PDE4D: variants seen among roughly 807,000 people sequenced by gnomAD.
The protein encoded by PDE4D is phosphodiesterase 4D.
A neutral mutation model predicts 87.4 loss-of-function variants in PDE4D; 24 were observed. The ratio of observed to expected loss-of-function variants is 0.27; its 90% CI spans 0.20 to 0.39. The LOEUF (loss-of-function observed/expected upper bound fraction) is 0.39. Among genes scored for constraint, PDE4D ranks in the 10% least tolerant of loss-of-function variants. PDE4D has a pLI of 1.00. For missense variants in PDE4D, 714 were observed against 1,041.0 expected (o/e 0.69, Z 4.32); for synonymous variants, 384 against 383.2 (o/e 1.00, Z -0.02).
intron 2 of PDE4D, among the ~76,000 whole-genome samples, chr5:60,108,788 G>T (rs1288987573): frequency 1.3e-5 from 2 of 152,108 alleles, no homozygotes; most frequent in African/African-American, 4.8e-5. Context: ...AAATGGTGCT[G>T]GGAAAACTGG....
At chr5:59,213,158 CTTCTTTTT>C (rs1750449598) in intron 2 of PDE4D, among the ~76,000 whole-genome samples, 1 of 143,114 alleles carries the variant, frequency 7.0e-6, no homozygotes, top group African/African-American at 2.8e-5. Flanking sequence ...TCTCCTCCTT[CTTCTTTTT>C]TTCTTTTTTT....
intron 1 of PDE4D, among the ~76,000 whole-genome samples, chr5:59,239,464 T>A (rs1202667073): frequency 6.6e-6 from 1 of 152,168 alleles, no homozygotes; most frequent in African/African-American, 2.4e-5. Context: ...CTGCCACTAT[T>A]CTACAGGCCT....
intron 3 of PDE4D, among the ~76,000 whole-genome samples, chr5:59,957,616 T>C (rs1403587616): frequency 1.3e-5 from 2 of 152,124 alleles, no homozygotes; most frequent in Non-Finnish European, 2.9e-5. Flanking sequence ...ATAATAATTA[T>C]AATTATGTAA....
intron 1 of PDE4D, among the ~76,000 whole-genome samples, chr5:59,617,161 C>T (rs1030757537): frequency 3.3e-5 from 5 of 151,658 alleles, no homozygotes; most frequent in Admixed American, 3.3e-4. Context: ...CCTTGCTTTG[C>T]TTATGGGTAA....
chr5:59,014,624 C>T (rs1753588929), intron 6 of PDE4D, among the ~76,000 whole-genome samples: 3 of 152,158 alleles, frequency 2.0e-5, no homozygotes, highest in Admixed American at 1.3e-4. Context: ...TTACAAACCA[C>T]TGCTCAACAA....
At chr5:60,445,396 CA>C (rs1403279973) in intron 1 of PDE4D, among the ~76,000 whole-genome samples, 3 of 152,064 alleles carry the variant, frequency 2.0e-5, no homozygotes, top group Non-Finnish European at 4.4e-5. Flanking sequence ...GATTATTCAA[CA>C]AATCATTATT....
intron 2 of PDE4D, among the ~76,000 whole-genome samples, chr5:60,165,544 G>GTTA: frequency 6.6e-6 from 1 of 151,526 alleles, no homozygotes; most frequent in South Asian, 2.1e-4. Context: ...TTCTATGCAG[G>GTTA]ATGTCATTAA....
At chr5:59,546,934 A>G (rs1278074439) in intron 1 of PDE4D, among the ~76,000 whole-genome samples, 1 of 152,184 alleles carries the variant, frequency 6.6e-6, no homozygotes, top group Non-Finnish European at 1.5e-5. Context: ...CTAAAAGGCT[A>G]GTATCAAAGC....
chr5:60,330,117 T>A (rs1250253657), intron 1 of PDE4D, among the ~76,000 whole-genome samples: 1 of 152,126 alleles, frequency 6.6e-6, no homozygotes, highest in African/African-American at 2.4e-5. Flanking sequence ...ACAATTACAG[T>A]ATAGAGGAAA....
chr5:60,179,820 C>G (rs1027409896), intron 2 of PDE4D, among the ~76,000 whole-genome samples: 3 of 152,132 alleles, frequency 2.0e-5, no homozygotes, highest in African/African-American at 7.2e-5. Flanking sequence ...AAATTACCTT[C>G]AGTTAAAAAT....
chr5:60,348,143 T>C (rs1225204446), intron 1 of PDE4D, among the ~76,000 whole-genome samples: 1 of 152,092 alleles, frequency 6.6e-6, no homozygotes, highest in Non-Finnish European at 1.5e-5. Flanking sequence ...CCCTTGGCCA[T>C]GGGGAGAGAA....
intron 1 of PDE4D, among the ~76,000 whole-genome samples, chr5:59,618,020 T>TA (rs1829913692): frequency 6.6e-6 from 1 of 151,904 alleles, no homozygotes; most frequent in East Asian, 1.9e-4. Context: ...TTTTTTTTTT[T>TA]ACTAACAGTT....
intron 1 of PDE4D, among the ~76,000 whole-genome samples, chr5:59,753,682 TGAAAA>T (rs1760814643): frequency 1.3e-5 from 2 of 151,950 alleles, no homozygotes; most frequent in African/African-American, 2.4e-5. Context: ...ACAGAGACAA[TGAAAA>T]GAAAAGGGAG....
At chr5:59,968,383 G>C (rs72753230) in intron 3 of PDE4D, among the ~76,000 whole-genome samples, 49,143 of 151,778 alleles carry the variant, frequency 0.32, 8,392 homozygotes, top group African/African-American at 0.39. Flanking sequence ...AGCACACGTG[G>C]ACATATGTAT....
intron 1 of PDE4D, among the ~76,000 whole-genome samples, chr5:59,287,330 G>T (rs1444951060): frequency 6.6e-6 from 1 of 151,872 alleles, no homozygotes; most frequent in Non-Finnish European, 1.5e-5. Context: ...TCCTCTGCTT[G>T]TGGAAAGGAG....
At chr5:59,508,942 G>T (rs1809772965) in intron 1 of PDE4D, among the ~76,000 whole-genome samples, 1 of 151,952 alleles carries the variant, frequency 6.6e-6, no homozygotes, top group Non-Finnish European at 1.5e-5. Context: ...GTGAATGACA[G>T]AGTGGGGCCA....
At chr5:59,995,439 C>A (rs1384750863) in intron 2 of PDE4D, among the ~76,000 whole-genome samples, 1 of 152,056 alleles carries the variant, frequency 6.6e-6, no homozygotes, top group Non-Finnish European at 1.5e-5. Flanking sequence ...CTGCCTCAGC[C>A]TCCCAAGTAG....
intron 1 of PDE4D, among the ~76,000 whole-genome samples, chr5:59,306,848 G>T (rs1771486532): frequency 7.9e-6 from 1 of 126,092 alleles, no homozygotes; most frequent in Admixed American, 8.6e-5. Context: ...TCACAGAATT[G>T]GAAAAAACTA....
chr5:59,677,301 T>C (rs1390815547), intron 1 of PDE4D, among the ~76,000 whole-genome samples: 2 of 152,172 alleles, frequency 1.3e-5, no homozygotes, highest in Non-Finnish European at 2.9e-5. Context: ...TTATACGCCA[T>C]CCATATATTA....
Sources: allele counts gnomAD v4.1 joint callset (sites outside exome capture counted in the v4.1 genomes callset), GRCh38; gene constraint gnomAD v4.1.1; transcripts MANE v1.5; gene names NCBI Gene and HGNC (gene_info 2026-07-23, HGNC 2026-07-21).